Variants in LRRC4C observed in about 807,000 individuals in gnomAD.
LRRC4C encodes leucine-rich repeat-containing protein 4C.
In LRRC4C, 5 loss-of-function variants were observed where a neutral mutation model predicts 33.6. The ratio of observed to expected loss-of-function variants is 0.15; its 90% confidence interval spans 0.08 to 0.31. The LOEUF (loss-of-function observed/expected upper bound fraction) is 0.31. Ranked by LOEUF, LRRC4C falls within the 10% of genes least tolerant of loss-of-function variation. LRRC4C has a pLI of 1.00. For missense variants in LRRC4C, 560 were observed against 796.7 expected (o/e 0.70, Z 3.58); for synonymous variants, 329 against 302.0 (o/e 1.09, Z -0.93).
chr11:40,728,338 G>T (rs1321052156), intron 2 of LRRC4C, among the ~76,000 whole-genome samples: 1 of 151,882 alleles, frequency 6.6e-6, no homozygotes, highest in Admixed American at 6.6e-5. Flanking sequence ...GGGCGCAGTG[G>T]CTCAAGCCTG....
At chr11:41,093,917 C>A (rs2135561815) in intron 1 of LRRC4C, among the ~76,000 whole-genome samples, 1 of 140,694 alleles carries the variant, frequency 7.1e-6, no homozygotes, top group Admixed American at 7.2e-5. Flanking sequence ...TGATGAAACC[C>A]CGTCTCCACC....
Position 40,776,020 on chromosome 11 carries a change from A to T in LRRC4C, c.-406-127742T>A, listed in dbSNP as rs1165538434. Among the ~76,000 whole-genome samples the T allele has an allele frequency of 8.9e-5, 13 of 145,812 alleles. No individual in the cohort carries two copies. In the East Asian group the frequency reaches 1.2e-3, roughly 13 times the overall value. Reference sequence around the variant, plus strand: ...TTTATCAAAAGGATTTTCTGTATCTATTGAGATGATTATATGGTTTTTGCT... The same window carrying T: ...TTTATCAAAAGGATTTTCTGTATCTTTTGAGATGATTATATGGTTTTTGCT... On this transcript the variant is annotated intron_variant, in intron 2 of 6. Transcript: ENST00000528697.
At chr11:40,538,289 C>T (rs1328336664) in intron 3 of LRRC4C, among the ~76,000 whole-genome samples, 1 of 152,040 alleles carries the variant, frequency 6.6e-6, no homozygotes, top group East Asian at 1.9e-4. Context: ...CCCCTTCCCC[C>T]CAACCCACAC....
intron 1 of LRRC4C, among the ~76,000 whole-genome samples, chr11:41,079,996 T>A (rs1180762436): frequency 1.3e-5 from 2 of 152,138 alleles, no homozygotes; most frequent in Admixed American, 1.3e-4. Context: ...TTTATCATCA[T>A]CATCATCATC....
chr11:40,631,233 T>A (rs924354367), intron 3 of LRRC4C, among the ~76,000 whole-genome samples: 2 of 152,272 alleles, frequency 1.3e-5, no homozygotes, highest in African/African-American at 4.8e-5. Context: ...AAAATGGGGA[T>A]GAAGCTGATT....
At chr11:40,462,039 C>A (rs1952423012) in intron 3 of LRRC4C, among the ~76,000 whole-genome samples, 1 of 151,888 alleles carries the variant, frequency 6.6e-6, no homozygotes. Context: ...TCTATAATAT[C>A]TCTAAATTTC....
chr11:40,623,627 G>A (rs887824397), intron 3 of LRRC4C, among the ~76,000 whole-genome samples: 1 of 152,014 alleles, frequency 6.6e-6, no homozygotes, highest in African/African-American at 2.4e-5. Flanking sequence ...AATTTCTTCT[G>A]CTAATTGAAC....
intron 1 of LRRC4C, among the ~76,000 whole-genome samples, chr11:41,144,820 TGGATA>T (rs1943659496): frequency 6.6e-6 from 1 of 152,208 alleles, no homozygotes; most frequent in Non-Finnish European, 1.5e-5. Context: ...TTATTTTCTC[TGGATA>T]ATTTCCTGGC....
intron 3 of LRRC4C, among the ~76,000 whole-genome samples, chr11:40,429,935 T>C (rs1046078240): frequency 6.6e-6 from 1 of 152,196 alleles, no homozygotes; most frequent in African/African-American, 2.4e-5. Context: ...AAGCTATTAA[T>C]CTAAACATTA....
chr11:41,293,847 T>G (rs1591180556), intron 1 of LRRC4C, among the ~76,000 whole-genome samples: 1 of 152,144 alleles, frequency 6.6e-6, no homozygotes, highest in African/African-American at 2.4e-5. Context: ...TCCACCTGCC[T>G]CGGCCTCCCA....
intron 2 of LRRC4C, among the ~76,000 whole-genome samples, chr11:40,742,318 CA>C (rs1262506153): frequency 1.3e-5 from 2 of 151,934 alleles, no homozygotes; most frequent in African/African-American, 4.8e-5. Flanking sequence ...CAGAGGGATA[CA>C]AAACATGGCA....
At chr11:40,278,191 T>C (rs573411276) in intron 4 of LRRC4C, among the ~76,000 whole-genome samples, 11 of 152,290 alleles carry the variant, frequency 7.2e-5, no homozygotes, top group African/African-American at 2.4e-4. Context: ...CAGAGCTTCT[T>C]AACAAATATT....
intron 5 of LRRC4C, among the ~76,000 whole-genome samples, chr11:40,201,434 TAAACA>T (rs1862744320): frequency 6.6e-6 from 1 of 152,276 alleles, no homozygotes; most frequent in African/African-American, 2.4e-5. Context: ...AGCAACAAAC[TAAACA>T]AATCTTTTCC....
At chr11:41,135,317 T>G (rs899554052) in intron 1 of LRRC4C, among the ~76,000 whole-genome samples, 2 of 151,944 alleles carry the variant, frequency 1.3e-5, no homozygotes, top group African/African-American at 2.4e-5. Flanking sequence ...AAAACAGACG[T>G]GCTAGACAAA....
intron 1 of LRRC4C, among the ~76,000 whole-genome samples, chr11:41,217,114 A>C (rs1565487764): frequency 6.6e-6 from 1 of 152,296 alleles, no homozygotes; most frequent in East Asian, 1.9e-4. Context: ...AATGATTTAT[A>C]TGGACAGTGA....
intron 2 of LRRC4C, among the ~76,000 whole-genome samples, chr11:40,679,083 T>C (rs1944551113): frequency 6.6e-6 from 1 of 152,164 alleles, no homozygotes; most frequent in East Asian, 1.9e-4. Flanking sequence ...ATGAGGAACT[T>C]GTTGGGAACT....
intron 1 of LRRC4C, among the ~76,000 whole-genome samples, chr11:41,042,853 GCTGT>G (rs534392751): frequency 2.6e-4 from 40 of 152,006 alleles, no homozygotes; most frequent in Non-Finnish European, 5.3e-4. Flanking sequence ...TAAACAAGCA[GCTGT>G]CTTTCAGTCC....
intron 1 of LRRC4C, among the ~76,000 whole-genome samples, chr11:40,994,001 G>A (rs1156763283): frequency 6.6e-6 from 1 of 151,616 alleles, no homozygotes; most frequent in Non-Finnish European, 1.5e-5. Context: ...AACTGGATGG[G>A]GCATACTACT....
At chr11:41,032,416 C>T (rs1389657131) in intron 1 of LRRC4C, among the ~76,000 whole-genome samples, 7 of 151,980 alleles carry the variant, frequency 4.6e-5, no homozygotes, top group African/African-American at 1.7e-4. Context: ...TCCCTATAAA[C>T]CCTAACAGAG....
Sources: allele counts gnomAD v4.1 joint callset (sites outside exome capture counted in the v4.1 genomes callset), GRCh38; gene constraint gnomAD v4.1.1; transcripts MANE v1.5; gene names NCBI Gene and HGNC (gene_info 2026-07-23, HGNC 2026-07-21).